The following CCNG1 variants were observed in gnomAD, a reference collection of about 807,000 sequenced individuals.
CCNG1 encodes the protein cyclin-G1.
A neutral mutation model predicts 30.0 loss-of-function variants in CCNG1; 13 were observed. That is an observed-to-expected ratio of 0.43 (90% confidence interval 0.28 to 0.69). The LOEUF is 0.69. Among genes scored for constraint, CCNG1 ranks in the 30% least tolerant of loss-of-function variants. The pLI is 0.16. For synonymous variants in CCNG1, 110 were observed against 121.5 expected, an observed-to-expected ratio of 0.91 and a Z score of 0.62; for missense variants, 285 against 331.4, an observed-to-expected ratio of 0.86 and a Z score of 1.09.
intron 1 of CCNG1, 124 bp downstream of exon 1, chr5:163,437,928 A>G (rs1241384336): frequency 6.6e-6 from 1 of 152,210 alleles, no homozygotes; most frequent in Non-Finnish European, 1.5e-5. Context: ...TGTTGTGAGC[A>G]CAAGCCCAGG....
At chr5:163,454,845 G>C in the CCNG1 span, among the ~76,000 whole-genome samples, 1 of 150,944 alleles carries the variant, frequency 6.6e-6, no homozygotes, top group Non-Finnish European at 1.5e-5. Flanking sequence ...GAATTCAAGA[G>C]TGAAAAAAAA....
chr5:163,447,321 T>C (rs897216577), downstream of CCNG1: 2 of 151,916 alleles, frequency 1.3e-5, no homozygotes, highest in Non-Finnish European at 2.9e-5. Flanking sequence ...CATAGTGATA[T>C]ACATCTGTAG....
chr5:163,454,765 T>C, the CCNG1 span, among the ~76,000 whole-genome samples: 2 of 152,232 alleles, frequency 1.3e-5, no homozygotes, highest in Admixed American at 1.3e-4. Context: ...GTCTTTTTGG[T>C]GGGCTATTTC....
the CCNG1 span, chr5:163,453,376 C>T: frequency 1.0e-3 from 158 of 152,254 alleles, no homozygotes; most frequent in African/African-American, 3.7e-3. Context: ...TTGTGTTAAT[C>T]CACTTCTATT....
the CCNG1 span, among the ~76,000 whole-genome samples, chr5:163,456,577 G>T: frequency 6.6e-6 from 1 of 152,088 alleles, no homozygotes; most frequent in South Asian, 2.1e-4. Flanking sequence ...AGATGAAAAT[G>T]AGATAGATGC....
downstream of CCNG1, chr5:163,446,625 T>A (rs1758043954): frequency 6.6e-6 from 1 of 152,258 alleles, no homozygotes. Flanking sequence ...TTTATTTCTC[T>A]ATACTAATAA....
chr5:163,448,138 T>C (rs1017464264), downstream of CCNG1: 2 of 148,590 alleles, frequency 1.3e-5, no homozygotes, highest in African/African-American at 2.5e-5. Context: ...GTCTGGGTGA[T>C]GAAGTGAGAC....
the CCNG1 span, chr5:163,456,875 T>C: frequency 1.7e-6 from 2 of 1,152,972 alleles, no homozygotes; most frequent in Non-Finnish European, 2.3e-6. Flanking sequence ...AAATATTTAT[T>C]TGATGATTTT....
At chr5:163,453,936 T>C in the CCNG1 span, 1 of 1,291,204 alleles carries the variant, frequency 7.7e-7, no homozygotes, top group Non-Finnish European at 1.1e-6. Flanking sequence ...CAATATCTGC[T>C]AGGATCCACA....
the CCNG1 span, among the ~76,000 whole-genome samples, chr5:163,455,570 T>C: frequency 6.6e-6 from 1 of 152,182 alleles, no homozygotes; most frequent in South Asian, 2.1e-4. Flanking sequence ...GAGACCATCC[T>C]GGCCAACACG....
intron 1 of CCNG1, among the ~76,000 whole-genome samples, chr5:163,438,471 T>C (rs531166012): frequency 6.6e-6 from 1 of 152,314 alleles, no homozygotes; most frequent in African/African-American, 2.4e-5. Flanking sequence ...GTCTACTGTA[T>C]GTGCTAAGCT....
intron 2 of CCNG1, among the ~76,000 whole-genome samples, chr5:163,440,536 CTG>C (rs1249095120): frequency 1.3e-5 from 2 of 152,100 alleles, no homozygotes; most frequent in Non-Finnish European, 1.5e-5. Context: ...AAAGTTTTGA[CTG>C]TGTCTCATAC....
downstream of CCNG1, chr5:163,449,166 TAAC>T (rs1418949598): frequency 1.3e-5 from 2 of 152,036 alleles, no homozygotes; most frequent in Admixed American, 6.5e-5. Flanking sequence ...CTTAATGAGT[TAAC>T]AACAAAATCA....
At chr5:163,448,299 C>G (rs1023011656), downstream of CCNG1, 1 of 151,290 alleles carries the variant, frequency 6.6e-6, no homozygotes, top group Admixed American at 6.6e-5. Flanking sequence ...AATTGATAAA[C>G]CTCTGGCAAA....
chr5:163,457,281 G>A, the CCNG1 span, among the ~76,000 whole-genome samples: 3 of 151,966 alleles, frequency 2.0e-5, no homozygotes, highest in Admixed American at 1.3e-4. Context: ...ACAGGCATGC[G>A]CCACCATGCC....
At chr5:163,440,581 T>C (rs1442452540) in intron 2 of CCNG1, among the ~76,000 whole-genome samples, 3 of 152,110 alleles carry the variant, frequency 2.0e-5, no homozygotes, top group Non-Finnish European at 4.4e-5. Flanking sequence ...TGATAAAGAT[T>C]AGTAGTGGAT....
chr5:163,438,541 A>G (rs1011599330), intron 1 of CCNG1, among the ~76,000 whole-genome samples: 1 of 152,196 alleles, frequency 6.6e-6, no homozygotes, highest in African/African-American at 2.4e-5. Flanking sequence ...CCTTATCCCT[A>G]CTTTATCAAT....
chr5:163,441,666 T>TA (rs1757821740), intron 3 of CCNG1: 1 of 536,654 alleles, frequency 1.9e-6, no homozygotes, highest in Non-Finnish European at 3.3e-6. Context: ...GGCATAGTAC[T>TA]ATTCATTTTA....
downstream of CCNG1, chr5:163,446,479 C>G (rs1184648279): frequency 6.6e-6 from 1 of 152,116 alleles, no homozygotes; most frequent in Non-Finnish European, 1.5e-5. Context: ...CTTAACCACT[C>G]TATACATTAC....
Sources: allele counts gnomAD v4.1 joint callset (sites outside exome capture counted in the v4.1 genomes callset), GRCh38; gene constraint gnomAD v4.1.1; transcripts MANE v1.5; gene names NCBI Gene and HGNC (gene_info 2026-07-23, HGNC 2026-07-21).